UTS2B: variants seen among roughly 807,000 people sequenced by gnomAD.
The protein encoded by UTS2B is urotensin 2B.
In UTS2B, 21 loss-of-function variants were observed where a neutral mutation model predicts 19.2. That is an observed-to-expected ratio of 1.09 (90% CI 0.78 to 1.58). The LOEUF is 1.58. Ranked by LOEUF, UTS2B falls within the 40% of genes most tolerant of loss-of-function variation. The pLI is 0.00. For synonymous variants in UTS2B, 57 were observed against 50.2 expected, an observed-to-expected ratio of 1.14 and a Z score of -0.58; for missense variants, 138 against 130.3, an observed-to-expected ratio of 1.06 and a Z score of -0.29.
chr3:191,309,273 T>C (rs1304105227), intron 3 of UTS2B, among the ~76,000 whole-genome samples: 2 of 152,122 alleles, frequency 1.3e-5, no homozygotes, highest in African/African-American at 4.8e-5. Flanking sequence ...GCCATTCTCC[T>C]GCCTCAGCCT....
chr3:191,329,316 C>T (rs1174418053), intron 1 of UTS2B: 1 of 244,738 alleles, frequency 4.1e-6, no homozygotes, highest in Non-Finnish European at 7.7e-6. Flanking sequence ...CGGTTACAGA[C>T]CTGCAGCTCC....
chr3:191,336,406 A>G, the UTS2B span, among the ~76,000 whole-genome samples: 2 of 151,884 alleles, frequency 1.3e-5, no homozygotes, highest in African/African-American at 4.8e-5. Context: ...TTTAATTTGT[A>G]TTTCCCTAAT....
intron 2 of UTS2B, among the ~76,000 whole-genome samples, chr3:191,323,145 T>TTTTATGTTATTTTA (rs149096213): frequency 1.3e-5 from 2 of 148,770 alleles, no homozygotes; most frequent in Non-Finnish European, 3.0e-5. Flanking sequence ...TTTTATTTTA[T>TTTTATGTTATTTTA]TTTATTTATT....
chr3:191,310,630 G>A (rs1251012372), intron 3 of UTS2B, among the ~76,000 whole-genome samples: 2 of 151,328 alleles, frequency 1.3e-5, no homozygotes, highest in Non-Finnish European at 3.0e-5. Context: ...CATGTTTTCT[G>A]CTAACGTCCA....
At chr3:191,324,943 G>C (rs947915659) in intron 2 of UTS2B, among the ~76,000 whole-genome samples, 1 of 152,114 alleles carries the variant, frequency 6.6e-6, no homozygotes, top group Non-Finnish European at 1.5e-5. Context: ...CCAGCTACTT[G>C]GGAGGCTGAG....
At chr3:191,325,732 G>A (rs551289975) in intron 2 of UTS2B, among the ~76,000 whole-genome samples, 181 of 152,298 alleles carry the variant, frequency 1.2e-3, no homozygotes, top group African/African-American at 4.1e-3. Flanking sequence ...CTAGCCTCCA[G>A]TAATTCAGAG....
At chr3:191,274,712 A>G (rs1466029265) in intron 8 of UTS2B, among the ~76,000 whole-genome samples, 4 of 152,236 alleles carry the variant, frequency 2.6e-5, no homozygotes, top group Admixed American at 2.0e-4. Flanking sequence ...GACTTAGGAA[A>G]TCTCTCATCA....
intron 3 of UTS2B, among the ~76,000 whole-genome samples, chr3:191,310,206 T>C (rs1055156494): frequency 6.6e-6 from 1 of 151,284 alleles, no homozygotes; most frequent in African/African-American, 2.4e-5. Context: ...ACTCATGTGA[T>C]CCCCCCGCCT....
the UTS2B span, among the ~76,000 whole-genome samples, chr3:191,341,722 G>GA: frequency 1.4e-4 from 21 of 151,052 alleles, no homozygotes; most frequent in East Asian, 2.9e-3. Context: ...ATTTCTTTCT[G>GA]AAAAAAAAAT....
intron 8 of UTS2B, among the ~76,000 whole-genome samples, chr3:191,269,323 G>A (rs891896437): frequency 6.6e-6 from 1 of 152,086 alleles, no homozygotes; most frequent in African/African-American, 2.4e-5. Context: ...TAGCCCCTGT[G>A]CTTATCACCA....
chr3:191,310,648 G>T (rs745788504), intron 3 of UTS2B, among the ~76,000 whole-genome samples: 1 of 151,772 alleles, frequency 6.6e-6, no homozygotes, highest in Non-Finnish European at 1.5e-5. Flanking sequence ...CCATGAAATT[G>T]TGGCAAGCTA....
chr3:191,286,187 AT>A (rs1716539169), intron 4 of UTS2B, among the ~76,000 whole-genome samples: 1 of 152,234 alleles, frequency 6.6e-6, no homozygotes. Context: ...ATAGTAGGTG[AT>A]TTCAATACCC....
the UTS2B span, among the ~76,000 whole-genome samples, chr3:191,340,353 A>G: frequency 1.3e-5 from 2 of 152,234 alleles, no homozygotes; most frequent in African/African-American, 2.4e-5. Context: ...AAGTAAATCT[A>G]TATTTATTAC....
At chr3:191,282,066 T>A in intron 5 of UTS2B, 21 bp downstream of exon 5, 1 of 1,543,494 alleles carries the variant, frequency 6.5e-7, no homozygotes, top group Non-Finnish European at 8.9e-7. Context: ...CCTGTAGGAT[T>A]TTTAATTGAT....
intron 4 of UTS2B, among the ~76,000 whole-genome samples, chr3:191,291,225 T>A (rs1021997318): frequency 6.6e-6 from 1 of 152,202 alleles, no homozygotes; most frequent in African/African-American, 2.4e-5. Context: ...ATCAGATACA[T>A]AATTTGAAAA....
chr3:191,334,165 G>T (rs1232908125), upstream of UTS2B, among the ~76,000 whole-genome samples: 2 of 151,918 alleles, frequency 1.3e-5, no homozygotes, highest in Non-Finnish European at 2.9e-5. Context: ...TTGTGTTGAG[G>T]GTATTTCCAC....
At chr3:191,343,029 A>AT in the UTS2B span, among the ~76,000 whole-genome samples, 16 of 151,924 alleles carry the variant, frequency 1.1e-4, no homozygotes, top group Admixed American at 3.3e-4. Context: ...TTATACACGG[A>AT]TTTTTTTTCA....
intron 8 of UTS2B, among the ~76,000 whole-genome samples, chr3:191,272,471 G>A (rs890663687): frequency 2.6e-5 from 4 of 152,220 alleles, no homozygotes; most frequent in Non-Finnish European, 5.9e-5. Context: ...TTAGTTTGCT[G>A]TTGATTGCGA....
At chr3:191,307,617 C>T (rs1472239395) in intron 3 of UTS2B, among the ~76,000 whole-genome samples, 1 of 152,078 alleles carries the variant, frequency 6.6e-6, no homozygotes, top group African/African-American at 2.4e-5. Context: ...GCTTCCATCT[C>T]ATGTTTTGTA....
Sources: gnomAD v4.1 joint callset for allele counts (sites outside exome capture counted in the v4.1 genomes callset) on GRCh38, gnomAD v4.1.1 for gene constraint, MANE v1.5 for transcripts, NCBI Gene and HGNC (gene_info 2026-07-23, HGNC 2026-07-21) for gene names.